Variants in PTPRD observed in about 807,000 individuals in gnomAD.
PTPRD encodes receptor-type tyrosine-protein phosphatase delta.
A neutral mutation model predicts 214.5 loss-of-function variants in PTPRD; 34 were observed. That is an observed-to-expected ratio of 0.16 (90% CI 0.12 to 0.21). The LOEUF is 0.21. Among genes scored for constraint, PTPRD ranks in the 10% least tolerant of loss-of-function variants. The probability of loss-of-function intolerance (pLI) is 1.00; values close to 1 mark genes in which losing one functional copy is unlikely to be tolerated. For missense variants in PTPRD, 2,545 were observed against 2,398.7 expected (o/e 1.06, Z -1.27); for synonymous variants, 1,128 against 845.7 (o/e 1.33, Z -5.79).
At chr9:10,034,628 A>G (rs1039615029) in intron 3 of PTPRD, among the ~76,000 whole-genome samples, 1 of 151,976 alleles carries the variant, frequency 6.6e-6, no homozygotes, top group African/African-American at 2.4e-5. Flanking sequence ...CTGTGTGTCC[A>G]TATGTTCTCA....
chr9:9,760,188 C>T (rs2098639657), intron 6 of PTPRD, among the ~76,000 whole-genome samples: 1 of 152,058 alleles, frequency 6.6e-6, no homozygotes, highest in East Asian at 1.9e-4. Context: ...TTTCCTGTCT[C>T]CCCGGGTCTA....
intron 5 of PTPRD, among the ~76,000 whole-genome samples, chr9:9,858,914 C>G (rs1289139362): frequency 6.6e-6 from 1 of 152,094 alleles, no homozygotes; most frequent in Non-Finnish European, 1.5e-5. Flanking sequence ...AAACTTTGCC[C>G]AAGAACAGGC....
chr9:9,436,070 A>G (rs1008830070), intron 8 of PTPRD, among the ~76,000 whole-genome samples: 4 of 152,082 alleles, frequency 2.6e-5, no homozygotes, highest in Non-Finnish European at 4.4e-5. Context: ...CCAACACCCA[A>G]CCATGTATTA....
At chr9:8,822,702 C>T (rs2097095757) in intron 11 of PTPRD, among the ~76,000 whole-genome samples, 2 of 151,904 alleles carry the variant, frequency 1.3e-5, no homozygotes, top group African/African-American at 4.8e-5. Flanking sequence ...ATTTTTATAC[C>T]CAAATTAGAC....
At chr9:10,153,506 A>ACAAT (rs1477904512) in intron 3 of PTPRD, among the ~76,000 whole-genome samples, 1 of 150,566 alleles carries the variant, frequency 6.6e-6, no homozygotes, top group Non-Finnish European at 1.5e-5. Context: ...CAATTTTTAT[A>ACAAT]TATTATATAT....
chr9:9,045,430 G>A (rs548930700), intron 10 of PTPRD, among the ~76,000 whole-genome samples: 78 of 131,310 alleles, frequency 5.9e-4, no homozygotes, highest in African/African-American at 3.5e-3. Context: ...TGAAGGGTCG[G>A]GGGTTGTGGT....
At chr9:8,570,596 G>A (rs771926355) in intron 14 of PTPRD, among the ~76,000 whole-genome samples, 1 of 152,050 alleles carries the variant, frequency 6.6e-6, no homozygotes, top group Non-Finnish European at 1.5e-5. Context: ...TGCCCGTTAG[G>A]CACATTCTTA....
At chr9:8,746,491 C>T (rs2092824691) in intron 11 of PTPRD, among the ~76,000 whole-genome samples, 1 of 152,126 alleles carries the variant, frequency 6.6e-6, no homozygotes, top group African/African-American at 2.4e-5. Flanking sequence ...TTTTAAAGTA[C>T]TGTCATTTTT....
At position 10,528,528 on chromosome 9, in the gene PTPRD, A is replaced by G. The variant is rs1184326283; in HGVS notation, c.-600+83870T>C. 6.6e-5 allele frequency among the ~76,000 whole-genome samples: 10 copies of G among 152,310 alleles called. No homozygotes were observed. In the East Asian group the frequency reaches 7.7e-4, roughly 12 times the overall value. On this transcript the variant is annotated intron_variant, in intron 2 of 45. Coordinates refer to ENST00000381196, the MANE Select transcript of PTPRD (RefSeq NM_002839.4). Reference sequence around the variant, plus strand: ...TGTCAAATTTAGGAATATATATTCTATTAAAATATATACAAAATATGACAT... The same window carrying G: ...TGTCAAATTTAGGAATATATATTCTGTTAAAATATATACAAAATATGACAT...
intron 10 of PTPRD, among the ~76,000 whole-genome samples, chr9:9,026,550 TG>T (rs2099587756): frequency 1.3e-5 from 2 of 151,984 alleles, no homozygotes; most frequent in Non-Finnish European, 2.9e-5. Flanking sequence ...GTCCAGGGTT[TG>T]TTCAGTTTTA....
chr9:9,756,229 G>A lies in PTPRD; in HGVS notation c.-326+10581C>T, dbSNP rs371183210. Among the ~76,000 whole-genome samples, 443 of 152,126 alleles carry A rather than the reference G, an allele frequency of 2.9e-3. 2 individuals carry two copies. The highest frequency in any genetic ancestry group is 0.01 in the African/African-American group (418 of 41,520). On this transcript the variant is annotated intron_variant, in intron 6 of 45. Coordinates refer to ENST00000381196, the MANE Select transcript of PTPRD (RefSeq NM_002839.4). Reference sequence around the variant, plus strand: ...CTCTGAGTCTTCTGGAGCACCAGAGGGTTATGTGAGATTCATTAGCTTCTA... The same window carrying A: ...CTCTGAGTCTTCTGGAGCACCAGAGAGTTATGTGAGATTCATTAGCTTCTA...
chr9:8,627,964 T>C (rs1411185153), intron 14 of PTPRD, among the ~76,000 whole-genome samples: 2 of 151,948 alleles, frequency 1.3e-5, no homozygotes, highest in Non-Finnish European at 2.9e-5. Flanking sequence ...TTGGTATCAA[T>C]GTATTCCAAG....
intron 12 of PTPRD, among the ~76,000 whole-genome samples, chr9:8,670,372 C>A (rs1285000265): frequency 2.0e-5 from 3 of 152,182 alleles, no homozygotes; most frequent in East Asian, 3.9e-4. Flanking sequence ...ACATCCATTA[C>A]ACAGAGAATG....
At chr9:10,516,327 T>C (rs2050093136) in intron 2 of PTPRD, among the ~76,000 whole-genome samples, 1 of 151,954 alleles carries the variant, frequency 6.6e-6, no homozygotes, top group Non-Finnish European at 1.5e-5. Context: ...CAATTAGTGA[T>C]GTTGAGCACA....
chr9:9,608,670 GT>G (rs1408692125), intron 7 of PTPRD, among the ~76,000 whole-genome samples: 2 of 152,150 alleles, frequency 1.3e-5, no homozygotes, highest in African/African-American at 4.8e-5. Flanking sequence ...TACAATTTAT[GT>G]TTTTTGTCTC....
chr9:8,535,416 A>G (rs2076690298), intron 14 of PTPRD, among the ~76,000 whole-genome samples: 1 of 151,962 alleles, frequency 6.6e-6, no homozygotes, highest in Non-Finnish European at 1.5e-5. Context: ...TTTGAACAAG[A>G]TTTTAGGCTC....
At chr9:10,342,952 T>C (rs1295532204) in intron 2 of PTPRD, among the ~76,000 whole-genome samples, 1 of 152,174 alleles carries the variant, frequency 6.6e-6, no homozygotes, top group Non-Finnish European at 1.5e-5. Context: ...TTAAATAGCC[T>C]GACCTCCATA....
At chr9:10,412,469 T>C (rs2098445987) in intron 2 of PTPRD, among the ~76,000 whole-genome samples, 1 of 151,714 alleles carries the variant, frequency 6.6e-6, no homozygotes, top group South Asian at 2.1e-4. Context: ...GTAGTATTCA[T>C]AGCCAAATTC....
chr9:8,667,263 C>A (rs117254788), intron 12 of PTPRD, among the ~76,000 whole-genome samples: 14,034 of 152,150 alleles, frequency 0.092, 766 homozygotes, highest in East Asian at 0.23. Context: ...CGCTTGAACA[C>A]GGGACGCAGA....
Sources: gnomAD v4.1 joint callset for allele counts (sites outside exome capture counted in the v4.1 genomes callset) on GRCh38, gnomAD v4.1.1 for gene constraint, MANE v1.5 for transcripts, NCBI Gene and HGNC (gene_info 2026-07-23, HGNC 2026-07-21) for gene names.